Variants in ANO6 observed in about 807,000 individuals in gnomAD.
ANO6 encodes anoctamin 6.
Under a neutral mutation model 117.5 loss-of-function variants are expected in ANO6, and 106 were observed. The ratio of observed to expected loss-of-function variants is 0.90; its 90% CI spans 0.77 to 1.06. ANO6 has a LOEUF of 1.06. Ranked by LOEUF, ANO6 falls within the 50% of genes least tolerant of loss-of-function variation. The probability of loss-of-function intolerance (pLI) is 0.00; values close to 1 mark genes in which losing one functional copy is unlikely to be tolerated. For synonymous variants in ANO6, 367 were observed against 385.1 expected (o/e 0.95, Z 0.55); for missense variants, 955 against 1,121.1 (o/e 0.85, Z 2.12).
intron 1 of ANO6, chr12:45,270,481 G>A (rs1411459812): frequency 1.3e-6 from 2 of 1,511,808 alleles, no homozygotes; most frequent in African/African-American, 1.4e-5. Flanking sequence ...CTGCCTCCAG[G>A]AGGCCTTTTC....
At chr12:45,233,764 C>T (rs994723932) in intron 1 of ANO6, among the ~76,000 whole-genome samples, 77 of 152,184 alleles carry the variant, frequency 5.1e-4, no homozygotes, top group African/African-American at 1.6e-3. Flanking sequence ...CCTTGTACCC[C>T]TTTCATGTCA....
At chr12:45,286,923 T>C (rs1938935622) in intron 1 of ANO6, among the ~76,000 whole-genome samples, 1 of 152,190 alleles carries the variant, frequency 6.6e-6, no homozygotes, top group Admixed American at 6.5e-5. Context: ...GGGATTTGCA[T>C]TCAGGTCTGT....
chr12:45,408,012 C>CCTCTCTTCAGTA (rs1942986084), intron 15 of ANO6, among the ~76,000 whole-genome samples: 1 of 152,048 alleles, frequency 6.6e-6, no homozygotes, highest in African/African-American at 2.4e-5. Flanking sequence ...GATAATTTCC[C>CCTCTCTTCAGTA]CTGAGTAAAG....
chr12:45,284,022 A>G (rs1005107511), intron 1 of ANO6, among the ~76,000 whole-genome samples: 1 of 152,224 alleles, frequency 6.6e-6, no homozygotes, highest in Non-Finnish European at 1.5e-5. Flanking sequence ...AAGGCATACA[A>G]ATTTATTTGA....
At chr12:45,390,948 C>T (rs979509200) in intron 12 of ANO6, among the ~76,000 whole-genome samples, 1 of 152,026 alleles carries the variant, frequency 6.6e-6, no homozygotes, top group African/African-American at 2.4e-5. Context: ...TGATGAAACC[C>T]CGTCACTACT....
At chr12:45,415,832 C>CT (rs1943199276) in intron 16 of ANO6, among the ~76,000 whole-genome samples, 1 of 152,154 alleles carries the variant, frequency 6.6e-6, no homozygotes, top group Non-Finnish European at 1.5e-5. Context: ...TAATGGAACT[C>CT]TATGTTTTCC....
At chr12:45,258,863 T>A (rs1031301984) in intron 1 of ANO6, among the ~76,000 whole-genome samples, 3 of 152,218 alleles carry the variant, frequency 2.0e-5, no homozygotes, top group Non-Finnish European at 4.4e-5. Flanking sequence ...TGTTAAGTTA[T>A]AGTCCATGCC....
intron 1 of ANO6, among the ~76,000 whole-genome samples, chr12:45,280,560 T>G (rs1484447058): frequency 6.6e-6 from 1 of 152,210 alleles, no homozygotes; most frequent in African/African-American, 2.4e-5. Context: ...AAACATTGCC[T>G]TGGGACAGGA....
chr12:45,336,037 A>G (rs1334025252), intron 3 of ANO6, among the ~76,000 whole-genome samples: 4 of 152,052 alleles, frequency 2.6e-5, no homozygotes, highest in Non-Finnish European at 5.9e-5. Flanking sequence ...CAATACACAT[A>G]GTAGTCACTA....
In ANO6 at chr12:45,357,402, A is replaced by C. The variant is rs888870828; in HGVS notation, c.976A>C (p.Asn326His). 6.2e-7 allele frequency: 1 copy of C among 1,613,766 alleles called. No individual in the cohort carries two copies. The highest frequency in any genetic ancestry group is 1.7e-4 in the Middle Eastern group (1 of 5,754). Reference protein sequence around the residue: ...GVACFLYGYLNQDNCTWSKEV... With the variant: ...GVACFLYGYLHQDNCTWSKEV... ...GGCTTGCTTTCTCTATGGATATCTT[A>C]ATCAAGATAACTGTACATGGAGGTA... The change falls in exon 8 of 20, where the codon AAT becomes CAT. Residue 326 changes from asparagine to histidine, a missense_variant. Transcript: ENST00000320560.
At chr12:45,333,593 GA>G (rs992559532) in intron 3 of ANO6, among the ~76,000 whole-genome samples, 18 of 151,782 alleles carry the variant, frequency 1.2e-4, no homozygotes, top group Admixed American at 1.1e-3. Context: ...AAATAAGGAG[GA>G]AAAAAATCAT....
At chr12:45,365,154 T>C (rs543132427) in intron 8 of ANO6, among the ~76,000 whole-genome samples, 1 of 152,340 alleles carries the variant, frequency 6.6e-6, no homozygotes, top group East Asian at 1.9e-4. Context: ...TGAGTGTGTA[T>C]TGAGGAAATG....
At chr12:45,388,513 T>G (rs1431733541) in intron 11 of ANO6, among the ~76,000 whole-genome samples, 1 of 152,116 alleles carries the variant, frequency 6.6e-6, no homozygotes, top group Non-Finnish European at 1.5e-5. Flanking sequence ...GCAGCCAAAG[T>G]GAAGAAGCAC....
chr12:45,231,338 A>C (rs1947571121), intron 1 of ANO6, among the ~76,000 whole-genome samples: 1 of 152,214 alleles, frequency 6.6e-6, no homozygotes, highest in Non-Finnish European at 1.5e-5. Flanking sequence ...ACGTGAATTA[A>C]TGCTTGTCAT....
intron 15 of ANO6, 52 bp downstream of exon 15, chr12:45,403,588 C>A: frequency 6.8e-7 from 1 of 1,461,598 alleles, no homozygotes; most frequent in South Asian, 1.1e-5. Flanking sequence ...ATAGAACAGC[C>A]CATCCACACA....
chr12:45,274,368 A>G lies in ANO6; in HGVS notation c.71-27646A>G, dbSNP rs564210922. Among the ~76,000 whole-genome samples the G allele has an allele frequency of 8.5e-5, 13 of 152,240 alleles. No individual in the cohort carries two copies. The South Asian group carries it at 1.2e-3, about 15-fold the overall frequency. On this transcript the variant is annotated intron_variant, in intron 1 of 19. Transcript: ENST00000320560. ...TGTTTCGTGAGTCTATACTTCCTCC[A>G]TTGTTTTAACCTATGCAGTGATACC...
At chr12:45,219,300 G>A (rs1947361425) in intron 1 of ANO6, among the ~76,000 whole-genome samples, 2 of 151,966 alleles carry the variant, frequency 1.3e-5, no homozygotes, top group Admixed American at 1.3e-4. Flanking sequence ...TTTAAACAGT[G>A]GGTTCCTGCT....
chr12:45,221,472 A>G (rs1042092478), intron 1 of ANO6, among the ~76,000 whole-genome samples: 5 of 152,182 alleles, frequency 3.3e-5, no homozygotes, highest in Admixed American at 2.0e-4. Flanking sequence ...GGGAGAGGCT[A>G]TGCCGTGAAG....
At chr12:45,350,636 A>C in intron 6 of ANO6, 23 bp from the exon 7 acceptor site, 1 of 1,569,890 alleles carries the variant, frequency 6.4e-7, no homozygotes, top group Non-Finnish European at 8.8e-7. Context: ...TATGGTGCTT[A>C]CATGTTCCCT....
Sources: allele counts gnomAD v4.1 joint callset (sites outside exome capture counted in the v4.1 genomes callset), GRCh38; gene constraint gnomAD v4.1.1; transcripts MANE v1.5; gene names NCBI Gene and HGNC (gene_info 2026-07-23, HGNC 2026-07-21).